The following EFCAB11 variants were observed in gnomAD, a reference collection of about 807,000 sequenced individuals.
EFCAB11 encodes EF-hand calcium binding domain 11.
A neutral mutation model predicts 23.0 loss-of-function variants in EFCAB11; 14 were observed. That is an observed-to-expected ratio of 0.61 (90% CI 0.40 to 0.95). The LOEUF (loss-of-function observed/expected upper bound fraction) is 0.95. Ranked by LOEUF, EFCAB11 falls within the 40% of genes least tolerant of loss-of-function variation. EFCAB11 has a pLI of 0.00. For missense variants in EFCAB11, 198 were observed against 195.8 expected, an observed-to-expected ratio of 1.01 and a Z score of -0.07; for synonymous variants, 65 against 66.6, an observed-to-expected ratio of 0.98 and a Z score of 0.11.
At chr14:89,811,101 G>A (rs932553763) in intron 5 of EFCAB11, among the ~76,000 whole-genome samples, 8 of 151,914 alleles carry the variant, frequency 5.3e-5, no homozygotes, top group Non-Finnish European at 8.8e-5. Context: ...AATAAGAGAG[G>A]TGCAGGTGGG....
chr14:89,816,541 G>C (rs1234477636), intron 5 of EFCAB11, among the ~76,000 whole-genome samples: 1 of 152,020 alleles, frequency 6.6e-6, no homozygotes, highest in African/African-American at 2.4e-5. Context: ...GGCTTAAAAG[G>C]GAATTTTATA....
intron 3 of EFCAB11, among the ~76,000 whole-genome samples, chr14:89,938,428 T>C (rs1890668843): frequency 6.6e-6 from 1 of 152,102 alleles, no homozygotes; most frequent in Non-Finnish European, 1.5e-5. Flanking sequence ...GAGAAGGATA[T>C]AATGTGTTCG....
rs7143667 is a variant in EFCAB11, at chr14:89,801,508, T to C, written c.411-4184A>G. On this transcript the variant is annotated intron_variant, in intron 5 of 5. Coordinates refer to ENST00000316738, the MANE Select transcript of EFCAB11 (RefSeq NM_145231.4). ...GCCTGCTAGGAATTTGCAAGAATCT[T>C]GGGAAGTGCTTCATAATCCCCCAGG... 2.9e-3 allele frequency among the ~76,000 whole-genome samples: 443 copies of C among 152,284 alleles called. 1 individual carries two copies. The highest frequency in any genetic ancestry group is 9.9e-3 in the African/African-American group (413 of 41,550).
intron 5 of EFCAB11, among the ~76,000 whole-genome samples, chr14:89,915,256 T>G (rs1227328678): frequency 6.6e-6 from 1 of 152,226 alleles, no homozygotes; most frequent in Non-Finnish European, 1.5e-5. Context: ...AATGACATTA[T>G]TACAGAAGCT....
intron 5 of EFCAB11, among the ~76,000 whole-genome samples, chr14:89,885,781 G>GAGAA (rs200424406): frequency 1.5e-5 from 2 of 133,210 alleles, no homozygotes; most frequent in African/African-American, 5.6e-5. Context: ...GAAAGAAAGA[G>GAGAA]AGAAAGAAAG....
At chr14:89,833,100 A>G (rs1886940445) in intron 5 of EFCAB11, 1 of 151,988 alleles carries the variant, frequency 6.6e-6, no homozygotes, top group Non-Finnish European at 1.5e-5. Flanking sequence ...TGAAATACAC[A>G]AATCATCAGG....
At chr14:89,890,922 T>C (rs1241639553) in intron 5 of EFCAB11, among the ~76,000 whole-genome samples, 1 of 152,134 alleles carries the variant, frequency 6.6e-6, no homozygotes, top group Non-Finnish European at 1.5e-5. Context: ...TACATGAAAG[T>C]TTCCCTGGTG....
At chr14:89,945,036 A>T (rs1890930064) in intron 3 of EFCAB11, among the ~76,000 whole-genome samples, 3 of 146,330 alleles carry the variant, frequency 2.1e-5, no homozygotes, top group Non-Finnish European at 4.5e-5. Flanking sequence ...AAAATATTAG[A>T]TTTTATTAGA....
At chr14:89,951,955 A>G (rs1371271582) in intron 2 of EFCAB11, among the ~76,000 whole-genome samples, 2 of 152,092 alleles carry the variant, frequency 1.3e-5, no homozygotes, top group African/African-American at 2.4e-5. Context: ...TATGTAAAAA[A>G]CTGCATGAAT....
chr14:89,928,233 A>G (rs1469273355), intron 5 of EFCAB11, among the ~76,000 whole-genome samples: 1 of 152,188 alleles, frequency 6.6e-6, no homozygotes, highest in African/African-American at 2.4e-5. Context: ...AGAGGAGCAC[A>G]TATGTTATTA....
At chr14:89,824,944 G>A (rs1886640526) in intron 5 of EFCAB11, among the ~76,000 whole-genome samples, 1 of 151,880 alleles carries the variant, frequency 6.6e-6, no homozygotes, top group African/African-American at 2.4e-5. Context: ...CTCAGTAAAT[G>A]AGAGAACACA....
intron 5 of EFCAB11, among the ~76,000 whole-genome samples, chr14:89,815,343 G>C (rs1886299698): frequency 6.6e-6 from 1 of 152,168 alleles, no homozygotes; most frequent in African/African-American, 2.4e-5. Flanking sequence ...CACGGAGGCT[G>C]GGTTGGGCTT....
chr14:89,939,511 G>T (rs1374682465), intron 3 of EFCAB11, among the ~76,000 whole-genome samples: 1 of 152,114 alleles, frequency 6.6e-6, no homozygotes, highest in African/African-American at 2.4e-5. Flanking sequence ...AGGAGGCGGG[G>T]CACACAGCTG....
intron 5 of EFCAB11, among the ~76,000 whole-genome samples, chr14:89,928,816 T>C (rs1054416693): frequency 1.4e-5 from 2 of 147,462 alleles, no homozygotes; most frequent in Non-Finnish European, 3.0e-5. Flanking sequence ...ATAGATTACA[T>C]ATATAATTAA....
At chr14:89,849,528 AGT>A (rs1471831301) in intron 5 of EFCAB11, among the ~76,000 whole-genome samples, 1 of 151,084 alleles carries the variant, frequency 6.6e-6, no homozygotes, top group Non-Finnish European at 1.5e-5. Flanking sequence ...TCTAAATGTG[AGT>A]GGGATTGTGG....
chr14:89,812,198 A>T (rs1002722084), intron 5 of EFCAB11, among the ~76,000 whole-genome samples: 1 of 152,220 alleles, frequency 6.6e-6, no homozygotes, highest in Admixed American at 6.5e-5. Flanking sequence ...AAAAGATTCC[A>T]TTTTTAAAAA....
chr14:89,857,504 G>A (rs1887790381), intron 5 of EFCAB11, among the ~76,000 whole-genome samples: 1 of 73,546 alleles, frequency 1.4e-5, no homozygotes, highest in Admixed American at 1.4e-4. Flanking sequence ...TTACTGACCT[G>A]GTCTTTCTTT....
At chr14:89,845,784 T>A (rs12897033) in intron 5 of EFCAB11, among the ~76,000 whole-genome samples, 99,516 of 151,962 alleles carry the variant, frequency 0.65, 34,363 homozygotes, top group Non-Finnish European at 0.79. Context: ...CTGAAGATGG[T>A]CAACAGGGAG....
intron 5 of EFCAB11, among the ~76,000 whole-genome samples, chr14:89,804,044 C>G (rs1885878346): frequency 6.6e-6 from 1 of 152,162 alleles, no homozygotes; most frequent in African/African-American, 2.4e-5. Context: ...TACTGGGGTC[C>G]CTTTGTGCCC....
Sources: gnomAD v4.1 joint callset for allele counts (sites outside exome capture counted in the v4.1 genomes callset) on GRCh38, gnomAD v4.1.1 for gene constraint, MANE v1.5 for transcripts, NCBI Gene and HGNC (gene_info 2026-07-23, HGNC 2026-07-21) for gene names.